The following DEPDC4 variants were observed in gnomAD, a reference collection of about 807,000 sequenced individuals.
The protein encoded by DEPDC4 is DEP domain containing 4, also known as DEP domain-containing protein 4.
Under a neutral mutation model 52.0 loss-of-function variants are expected in DEPDC4, and 52 were observed. That is an observed-to-expected ratio of 1.00 (90% CI 0.80 to 1.26). The LOEUF (loss-of-function observed/expected upper bound fraction) is 1.26, where lower values mean the gene tolerates loss of function less well. Among genes scored for constraint, DEPDC4 ranks in the 50% most tolerant of loss-of-function variants. The pLI is 0.00. For missense variants in DEPDC4, 530 were observed against 546.9 expected (o/e 0.97, Z 0.31); for synonymous variants, 201 against 196.8 (o/e 1.02, Z -0.18).
At chr12:100,259,196 T>C (rs1014304036) in intron 3 of DEPDC4, among the ~76,000 whole-genome samples, 6 of 151,814 alleles carry the variant, frequency 4.0e-5, no homozygotes, top group East Asian at 3.8e-4. Flanking sequence ...AGATCTACAA[T>C]ATAACAGGCA....
At chr12:100,244,091 C>CTCTATATA (rs2096172627) in intron 8 of DEPDC4, among the ~76,000 whole-genome samples, 2 of 34,992 alleles carry the variant, frequency 5.7e-5, no homozygotes, top group South Asian at 1.6e-3. Flanking sequence ...CTCTCTCTCT[C>CTCTATATA]TGTGTATATA....
chr12:100,270,868 C>G (rs1006053160), upstream of DEPDC4, among the ~76,000 whole-genome samples: 1 of 151,858 alleles, frequency 6.6e-6, no homozygotes, highest in African/African-American at 2.4e-5. Flanking sequence ...TCTCCCCCTG[C>G]ATTTAGCATG....
At chr12:100,280,998 T>C in the DEPDC4 span, among the ~76,000 whole-genome samples, 3 of 151,092 alleles carry the variant, frequency 2.0e-5, no homozygotes, top group Admixed American at 1.3e-4. Context: ...ATGTGTATTT[T>C]ATTGTCCCTT....
chr12:100,242,892 C>T (rs1388755292), intron 8 of DEPDC4, among the ~76,000 whole-genome samples: 1 of 152,206 alleles, frequency 6.6e-6, no homozygotes, highest in African/African-American at 2.4e-5. Flanking sequence ...AGCTCTTAAT[C>T]AATGCTCTAA....
chr12:100,250,479 CA>C (rs2096203157), intron 7 of DEPDC4, among the ~76,000 whole-genome samples: 2 of 152,154 alleles, frequency 1.3e-5, no homozygotes, highest in African/African-American at 4.8e-5. Context: ...CTTGGCCTTC[CA>C]AAATGCTGGG....
At chr12:100,238,028 G>A (rs1281428622), downstream of DEPDC4, 1 of 978,654 alleles carries the variant, frequency 1.0e-6, no homozygotes, top group Non-Finnish European at 1.2e-6. Flanking sequence ...TATCGAAGAG[G>A]GCTTGGTGGC....
chr12:100,248,424 G>C (rs2096194734), intron 8 of DEPDC4, among the ~76,000 whole-genome samples: 1 of 152,056 alleles, frequency 6.6e-6, no homozygotes, highest in South Asian at 2.1e-4. Flanking sequence ...ACAATTATAA[G>C]TTAAAACATA....
Position 100,240,491 on chromosome 12 carries a change from T to A in DEPDC4, c.*1401A>T, listed in dbSNP as rs2096154119. On this transcript the variant is annotated 3_prime_UTR_variant, in exon 10 of 10. Transcript: ENST00000550587. ...CCATAAGAATTTTTCTGTGTAAAAC[T>A]TCCCATAGGTATTGAATCTGTAACC... 6.6e-6 allele frequency among the ~76,000 whole-genome samples: 1 copy of A among 152,154 alleles called. No homozygotes were observed. The highest frequency in any genetic ancestry group is 6.6e-5 in the Admixed American group (1 of 15,262).
chr12:100,232,709 C>T lies in DEPDC4; in HGVS notation c.*699+5259G>A, dbSNP rs566588017. ...GACCAGCCTGACCAACTTGGAGAAACCCCATCTCTACTAAAAATACAAAAT... is the reference window on the plus strand; with the variant it reads ...GACCAGCCTGACCAACTTGGAGAAATCCCATCTCTACTAAAAATACAAAAT... On this transcript the variant is annotated intron_variant and NMD_transcript_variant, in intron 9 of 10. Transcript: ENST00000378244. Among the ~76,000 whole-genome samples the T allele has an allele frequency of 3.3e-5, 5 of 152,202 alleles. No individual in the cohort carries two copies. The South Asian group carries it at 8.3e-4, about 25-fold the overall frequency.
At chr12:100,244,399 T>C (rs1364879562) in intron 8 of DEPDC4, among the ~76,000 whole-genome samples, 1 of 151,518 alleles carries the variant, frequency 6.6e-6, no homozygotes, top group Non-Finnish European at 1.5e-5. Context: ...GCCAGGACGG[T>C]ATCAATCTCC....
upstream of DEPDC4, chr12:100,267,125 C>G (rs199769098): frequency 1.0e-5 from 16 of 1,585,412 alleles, no homozygotes; most frequent in African/African-American, 1.1e-4. Context: ...CTGGCTCCGC[C>G]TCTTCCGAAC....
chr12:100,251,209 AAAGGC>A (rs1383275534), intron 7 of DEPDC4, among the ~76,000 whole-genome samples: 1 of 152,052 alleles, frequency 6.6e-6, no homozygotes, highest in Non-Finnish European at 1.5e-5. Flanking sequence ...AGCTGGGGTT[AAAGGC>A]ATGTATCACT....
chr12:100,269,736 T>C (rs772339892), upstream of DEPDC4, among the ~76,000 whole-genome samples: 4 of 152,174 alleles, frequency 2.6e-5, no homozygotes, highest in Non-Finnish European at 5.9e-5. Context: ...GAAGAGTGTG[T>C]ACTTAACCAT....
downstream of DEPDC4, among the ~76,000 whole-genome samples, chr12:100,236,343 T>C (rs2096141345): frequency 6.6e-6 from 1 of 152,174 alleles, no homozygotes; most frequent in South Asian, 2.1e-4. Context: ...ACCACATCCA[T>C]GCCAACATCT....
chr12:100,263,985 G>C (rs1221428486), intron 1 of DEPDC4, 92 bp from the exon 2 acceptor site: 1 of 1,138,538 alleles, frequency 8.8e-7, no homozygotes, highest in African/African-American at 1.6e-5. Context: ...CTTGTTGAAG[G>C]CATATCTGCT....
At chr12:100,278,055 ATT>A in the DEPDC4 span, among the ~76,000 whole-genome samples, 1 of 152,184 alleles carries the variant, frequency 6.6e-6, no homozygotes, top group Non-Finnish European at 1.5e-5. Flanking sequence ...TTCTGCATAT[ATT>A]ATAAACACAA....
intron 5 of DEPDC4, among the ~76,000 whole-genome samples, chr12:100,253,160 C>T (rs1318170437): frequency 1.3e-5 from 2 of 152,220 alleles, no homozygotes; most frequent in African/African-American, 4.8e-5. Flanking sequence ...TCAGGTGACT[C>T]ACCCGCCTTG....
the DEPDC4 span, among the ~76,000 whole-genome samples, chr12:100,273,440 G>T: frequency 6.6e-6 from 1 of 152,042 alleles, no homozygotes. Flanking sequence ...TCCCTTTGAT[G>T]TAAGATTTTT....
chr12:100,238,319 C>T (rs1050193570), downstream of DEPDC4, among the ~76,000 whole-genome samples: 4 of 151,702 alleles, frequency 2.6e-5, no homozygotes, highest in Non-Finnish European at 5.9e-5. Context: ...CCAACACTCC[C>T]GGCTAATTTT....
Sources: allele counts gnomAD v4.1 joint callset (sites outside exome capture counted in the v4.1 genomes callset), GRCh38; gene constraint gnomAD v4.1.1; transcripts MANE v1.5; gene names NCBI Gene and HGNC (gene_info 2026-07-23, HGNC 2026-07-21).